KSR1: variants seen among roughly 807,000 people sequenced by gnomAD.
KSR1 encodes the protein kinase suppressor of ras.
KSR1 carries 35 observed loss-of-function variants against 92.9 expected under a neutral mutation model. That is an observed-to-expected ratio of 0.38 (90% confidence interval 0.29 to 0.50). The LOEUF is 0.50. Among genes scored for constraint, KSR1 ranks in the 20% least tolerant of loss-of-function variants. The pLI, the probability that KSR1 is intolerant of heterozygous loss-of-function variation, is 0.94. For synonymous variants in KSR1, 467 were observed against 472.6 expected (o/e 0.99, Z 0.15); for missense variants, 972 against 1,158.5 (o/e 0.84, Z 2.34).
chr17:27,492,789 T>G (rs1396009743), intron 1 of KSR1, among the ~76,000 whole-genome samples: 1 of 152,188 alleles, frequency 6.6e-6, no homozygotes, highest in Non-Finnish European at 1.5e-5. Context: ...AGGTGGGACT[T>G]ATTTTGAGCC....
At chr17:27,574,023 C>A (rs2072409832) in intron 2 of KSR1, among the ~76,000 whole-genome samples, 1 of 152,158 alleles carries the variant, frequency 6.6e-6, no homozygotes, top group Non-Finnish European at 1.5e-5. Context: ...TGGCTCCCTC[C>A]CCAGCCCCAT....
chr17:27,551,598 T>C (rs1567818648), intron 2 of KSR1, among the ~76,000 whole-genome samples: 3 of 152,124 alleles, frequency 2.0e-5, no homozygotes, highest in Non-Finnish European at 4.4e-5. Flanking sequence ...GGAAATCTTT[T>C]AAAAATTTCT....
At chr17:27,506,681 C>G (rs1471120293) in intron 1 of KSR1, among the ~76,000 whole-genome samples, 1 of 150,430 alleles carries the variant, frequency 6.6e-6, no homozygotes, top group African/African-American at 2.5e-5. Flanking sequence ...CCCCTCCCAC[C>G]CCCTCCTCCC....
chr17:27,596,674 G>T (rs2151205342), intron 9 of KSR1, among the ~76,000 whole-genome samples: 1 of 152,324 alleles, frequency 6.6e-6, no homozygotes, highest in Non-Finnish European at 1.5e-5. Flanking sequence ...AGACTTCACA[G>T]TGCCTTTGAT....
At chr17:27,516,139 C>T (rs1323619942) in intron 1 of KSR1, among the ~76,000 whole-genome samples, 2 of 152,082 alleles carry the variant, frequency 1.3e-5, no homozygotes, top group Middle Eastern at 3.2e-3. Flanking sequence ...AGGAGAAAAT[C>T]GAGAAAAGGT....
chr17:27,470,079 G>C (rs555279279), intron 1 of KSR1, among the ~76,000 whole-genome samples: 1 of 149,900 alleles, frequency 6.7e-6, no homozygotes, highest in Non-Finnish European at 1.5e-5. Flanking sequence ...TTTTTGAGGC[G>C]GAGTATCGCT....
At position 27,479,493 on chromosome 17, in the gene KSR1, G is replaced by A. The variant is rs867314264; in HGVS notation, c.231+22619G>A. Among the ~76,000 whole-genome samples the A allele has an allele frequency of 1.8e-4, 27 of 152,290 alleles. No homozygotes were observed. In the Middle Eastern group the frequency reaches 0.01, roughly 58 times the overall value. ...TCTTCCTTTTGTTCCTTCTGAGGCG[G>A]GTGTAGGGAAGGGAGGAAGGTGCCG... On this transcript the variant is annotated intron_variant, in intron 1 of 20. Transcript: ENST00000644974.
At chr17:27,546,441 G>A (rs941607422) in intron 1 of KSR1, among the ~76,000 whole-genome samples, 1 of 152,218 alleles carries the variant, frequency 6.6e-6, no homozygotes, top group African/African-American at 2.4e-5. Context: ...GAACCCAGAT[G>A]TGTTCAACTC....
At chr17:27,531,512 A>G (rs1205247495) in intron 1 of KSR1, among the ~76,000 whole-genome samples, 1 of 152,006 alleles carries the variant, frequency 6.6e-6, no homozygotes, top group African/African-American at 2.4e-5. Context: ...CCACACTCGG[A>G]TCCGTCATGG....
Position 27,583,035 on chromosome 17 carries a change from C to A in KSR1, c.910C>A (p.Pro304Thr). ...RKVFQLLPSF[P>T]TLTRSKSHES... ...GGTCTTCCAGCTGCTGCCCAGCTTC[C>A]CCACACTCACCCGGAGCAAGTCCCA... Residue 304 changes from proline to threonine, a missense_variant, in exon 4 of 21, where the codon CCC becomes ACC. By Grantham distance (38) the Pro-to-Thr change is conservative (BLOSUM62 -1). Transcript: ENST00000644974. 1 of 1,609,100 alleles carries A rather than the reference C, an allele frequency of 6.2e-7. No individual in the cohort carries two copies. Among genetic ancestry groups the A allele is most frequent in the South Asian group, 1.1e-5 (1 of 89,976 alleles).
intron 9 of KSR1, among the ~76,000 whole-genome samples, chr17:27,596,134 A>G (rs2073338118): frequency 6.6e-6 from 1 of 152,234 alleles, no homozygotes; most frequent in South Asian, 2.1e-4. Context: ...CATGATCCCT[A>G]CAGATAGAAA....
intron 4 of KSR1, chr17:27,583,932 C>G (rs2072873414): frequency 4.1e-6 from 4 of 977,734 alleles, no homozygotes; most frequent in South Asian, 4.7e-5. Flanking sequence ...CTTTCAGGAG[C>G]CAACCAGGCT....
chr17:27,529,379 G>T (rs1046330696), intron 1 of KSR1, among the ~76,000 whole-genome samples: 1 of 152,154 alleles, frequency 6.6e-6, no homozygotes, highest in South Asian at 2.1e-4. Flanking sequence ...TTACACTTCC[G>T]TGAATAGGCT....
At chr17:27,563,334 G>A (rs1410444031) in intron 2 of KSR1, among the ~76,000 whole-genome samples, 2 of 151,822 alleles carry the variant, frequency 1.3e-5, no homozygotes, top group East Asian at 3.9e-4. Flanking sequence ...TGCAATCATG[G>A]CCCACTGCAG....
At chr17:27,592,243 T>G in intron 7 of KSR1, 118 bp from the exon 8 acceptor site, 1 of 764,066 alleles carries the variant, frequency 1.3e-6, no homozygotes, top group South Asian at 1.7e-5. Context: ...GAGCTAACAT[T>G]TGTTGAGAAG....
Position 27,550,642 on chromosome 17 carries a change from G to A in KSR1, c.306G>A (p.Glu102=). The A allele has an allele frequency of 1.3e-6, 1 of 764,360 alleles. No individual in the cohort carries two copies. Among genetic ancestry groups the A allele is most frequent in the East Asian group, 2.4e-5 (1 of 41,246 alleles). 47.3% of individuals were successfully genotyped at this position (764,360 alleles called of 1,614,324 possible). The part of the protein sequence containing the change: ...LSVAPGERTP[E]LNSYPRFSDW... ...TGGCTCCCGGTGAGAGGACCCCAGA[G>A]CTCAACAGCTACCCCCGCTTCAGCG... The change falls in exon 2 of 21, where the codon GAG becomes GAA. Residue 102 remains glutamate (E), a synonymous_variant. Transcript: ENST00000644974.
chr17:27,552,560 GCCATGAGTCACCT>G (rs1306278400), intron 2 of KSR1, among the ~76,000 whole-genome samples: 3 of 152,132 alleles, frequency 2.0e-5, no homozygotes, highest in Non-Finnish European at 4.4e-5. Context: ...TATGCCTGCT[GCCATGAGTCACCT>G]CCATGAGTCA....
intron 1 of KSR1, among the ~76,000 whole-genome samples, chr17:27,461,436 GA>G (rs1234422013): frequency 2.0e-5 from 3 of 152,206 alleles, no homozygotes; most frequent in Admixed American, 1.3e-4. Context: ...GTCCCTGGCA[GA>G]ACTGAGACTG....
intron 1 of KSR1, among the ~76,000 whole-genome samples, chr17:27,497,563 C>A (rs2069033685): frequency 6.6e-6 from 1 of 152,202 alleles, no homozygotes; most frequent in South Asian, 2.1e-4. Context: ...GGATCCCGGC[C>A]TTCTGCAGGC....
Sources: allele counts gnomAD v4.1 joint callset (sites outside exome capture counted in the v4.1 genomes callset), GRCh38; gene constraint gnomAD v4.1.1; transcripts MANE v1.5; gene names NCBI Gene and HGNC (gene_info 2026-07-23, HGNC 2026-07-21).